The following NCEH1 variants were observed in gnomAD, a reference collection of about 807,000 sequenced individuals.
NCEH1 encodes 2-acetyl MAGE hydrolase.
A neutral mutation model predicts 25.4 loss-of-function variants in NCEH1; 9 were observed. The observed-to-expected ratio is 0.35, with a 90% confidence interval of 0.21 to 0.62. The LOEUF (loss-of-function observed/expected upper bound fraction) is 0.62, where lower values mean the gene tolerates loss of function less well. NCEH1 is among the 20% of genes least tolerant of loss of function. The pLI, the probability that NCEH1 is intolerant of heterozygous loss-of-function variation, is 0.72. For missense variants in NCEH1, 412 were observed against 501.1 expected (o/e 0.82, Z 1.70); for synonymous variants, 200 against 199.8 (o/e 1.00, Z -0.01).
intron 4 of NCEH1, among the ~76,000 whole-genome samples, chr3:172,634,748 A>T (rs1716527865): frequency 6.6e-6 from 1 of 152,162 alleles, no homozygotes; most frequent in African/African-American, 2.4e-5. Context: ...CCATTTTGTA[A>T]TTCTAGTGTG....
chr3:172,636,392 C>T (rs1040055979), intron 3 of NCEH1, among the ~76,000 whole-genome samples: 10 of 151,462 alleles, frequency 6.6e-5, no homozygotes, highest in African/African-American at 2.4e-4. Context: ...AAGTAAAAGG[C>T]GAATGTTCAT....
intron 1 of NCEH1, among the ~76,000 whole-genome samples, chr3:172,687,716 G>C (rs1486010483): frequency 6.6e-6 from 1 of 152,160 alleles, no homozygotes; most frequent in Non-Finnish European, 1.5e-5. Flanking sequence ...TTGCCAGATG[G>C]CAATTTTTCA....
intron 3 of NCEH1, among the ~76,000 whole-genome samples, chr3:172,645,034 C>CA (rs1169611453): frequency 5.9e-5 from 9 of 151,988 alleles, no homozygotes; most frequent in Non-Finnish European, 1.3e-4. Flanking sequence ...ATGCCTGGTA[C>CA]AAAAAAGATG....
chr3:172,667,986 G>T (rs1298719946), intron 1 of NCEH1, among the ~76,000 whole-genome samples: 1 of 152,150 alleles, frequency 6.6e-6, no homozygotes, highest in Non-Finnish European at 1.5e-5. Flanking sequence ...CCCCCTTCAA[G>T]TTCCCGTCTC....
chr3:172,682,635 G>C (rs1351003352), intron 1 of NCEH1, among the ~76,000 whole-genome samples: 1 of 152,190 alleles, frequency 6.6e-6, no homozygotes, highest in African/African-American at 2.4e-5. Context: ...CTTTAGTGAA[G>C]AAGGATGTAT....
chr3:172,683,812 A>G lies in NCEH1; in HGVS notation c.138+27035T>C, dbSNP rs571856737. On this transcript the variant is annotated intron_variant, in intron 1 of 4. Transcript: ENST00000475381. ...TTTTCAAGAAGAATACATCTAATGT[A>G]AAGACTCTTAGCTTCTTTGTAGGTT... Among the ~76,000 whole-genome samples the G allele has an allele frequency of 2.6e-5, 4 of 152,376 alleles. No homozygotes were observed. In the South Asian group the frequency reaches 6.2e-4, roughly 24 times the overall value.
intron 3 of NCEH1, 145 bp from the exon 4 acceptor site, chr3:172,636,232 T>A (rs927139105): frequency 6.1e-6 from 3 of 493,474 alleles, no homozygotes; most frequent in South Asian, 9.3e-5. Flanking sequence ...GAAAAAATAA[T>A]AAAATATAAA....
intron 1 of NCEH1, among the ~76,000 whole-genome samples, chr3:172,685,973 C>T (rs1249872893): frequency 1.3e-5 from 2 of 152,230 alleles, no homozygotes; most frequent in Non-Finnish European, 2.9e-5. Context: ...GCAATGAGAG[C>T]AGGCTGAAGA....
At position 172,633,923 on chromosome 3, in the gene NCEH1, T is replaced by C. The variant is rs769150593; in HGVS notation, c.779A>G (p.Tyr260Cys). ...AACGATCATTGCCTGCACAAAGTCA[T>C]AGTTGCCTTTGAAGTAGTCCACCCA... ...KYWVDYFKGN[Y>C]DFVQAMIVNN... Residue 260 changes from tyrosine (Y) to cysteine (C), a missense_variant, in exon 5 of 5, where the codon TAT becomes TGT. By Grantham distance (194) the Tyr-to-Cys change is radical (BLOSUM62 -2). Transcript: ENST00000475381. 20 of 1,613,996 alleles carry C rather than the reference T, an allele frequency of 1.2e-5. No individual in the cohort carries two copies. Among genetic ancestry groups the C allele is most frequent in the African/African-American group, 9.3e-5 (7 of 74,930 alleles).
chr3:172,691,313 A>C (rs1416765557), intron 1 of NCEH1, among the ~76,000 whole-genome samples: 1 of 148,680 alleles, frequency 6.7e-6, no homozygotes, highest in Admixed American at 6.8e-5. Flanking sequence ...TCTCTAGTTT[A>C]AGCTTTTACT....
intron 1 of NCEH1, among the ~76,000 whole-genome samples, chr3:172,672,848 C>T (rs762754821): frequency 1.4e-4 from 22 of 152,290 alleles, no homozygotes; most frequent in East Asian, 5.8e-4. Flanking sequence ...GGCAGCAAGA[C>T]GAAGCCACCT....
chr3:172,696,934 T>C (rs540520863), intron 1 of NCEH1, among the ~76,000 whole-genome samples: 23 of 152,280 alleles, frequency 1.5e-4, no homozygotes, highest in African/African-American at 5.1e-4. Flanking sequence ...TATATCTTTT[T>C]TCTTTTTTTG....
chr3:172,679,814 G>GA (rs1472820673), intron 1 of NCEH1, among the ~76,000 whole-genome samples: 2 of 152,140 alleles, frequency 1.3e-5, no homozygotes, highest in East Asian at 1.9e-4. Context: ...TGCCAAGTGT[G>GA]ATGGCCGCCT....
At chr3:172,666,019 C>T (rs1718190779) in intron 1 of NCEH1, among the ~76,000 whole-genome samples, 1 of 152,202 alleles carries the variant, frequency 6.6e-6, no homozygotes, top group Non-Finnish European at 1.5e-5. Context: ...GTGAGATGAA[C>T]CCAGTGCCTC....
At chr3:172,640,592 C>T (rs1019582852) in intron 3 of NCEH1, among the ~76,000 whole-genome samples, 3 of 152,214 alleles carry the variant, frequency 2.0e-5, no homozygotes, top group Non-Finnish European at 4.4e-5. Context: ...ACTGCAAGCT[C>T]TGCCTCCCAG....
intron 1 of NCEH1, among the ~76,000 whole-genome samples, chr3:172,684,787 C>T (rs935511223): frequency 2.1e-4 from 32 of 151,816 alleles, no homozygotes; most frequent in Non-Finnish European, 3.4e-4. Context: ...TTGACACCAG[C>T]CTGGCCAACA....
intron 1 of NCEH1, among the ~76,000 whole-genome samples, chr3:172,701,191 G>C (rs1713655184): frequency 6.6e-6 from 1 of 152,146 alleles, no homozygotes; most frequent in African/African-American, 2.4e-5. Flanking sequence ...CCTTGGACTA[G>C]TCCACTGACA....
intron 1 of NCEH1, among the ~76,000 whole-genome samples, chr3:172,672,670 T>A (rs975540329): frequency 6.6e-6 from 1 of 152,138 alleles, no homozygotes; most frequent in African/African-American, 2.4e-5. Context: ...CACTTCGGTC[T>A]TTTATAATAG....
chr3:172,648,232 C>G (rs556134830), intron 1 of NCEH1, 118 bp from the exon 2 acceptor site: 1 of 1,159,460 alleles, frequency 8.6e-7, no homozygotes, highest in Non-Finnish European at 1.2e-6. Flanking sequence ...GACTGGAGGG[C>G]TCATTGAGCC....
Sources: gnomAD v4.1 joint callset for allele counts (sites outside exome capture counted in the v4.1 genomes callset) on GRCh38, gnomAD v4.1.1 for gene constraint, MANE v1.5 for transcripts, NCBI Gene and HGNC (gene_info 2026-07-23, HGNC 2026-07-21) for gene names.